The following HOMER2 variants were observed in gnomAD, a reference collection of about 807,000 sequenced individuals.
HOMER2 encodes the protein homer protein homolog 2.
HOMER2 carries 27 observed loss-of-function variants against 47.0 expected under a neutral mutation model. That is an observed-to-expected ratio of 0.57 (90% CI 0.42 to 0.79). HOMER2 has a LOEUF of 0.79. Ranked by LOEUF, HOMER2 falls within the 30% of genes least tolerant of loss-of-function variation. The pLI is 0.00. For synonymous variants in HOMER2, 161 were observed against 163.8 expected, an observed-to-expected ratio of 0.98 and a Z score of 0.13; for missense variants, 443 against 435.0, an observed-to-expected ratio of 1.02 and a Z score of -0.16.
intron 2 of HOMER2, among the ~76,000 whole-genome samples, chr15:82,876,311 T>C (rs1447936789): frequency 6.6e-6 from 1 of 152,196 alleles, no homozygotes; most frequent in Non-Finnish European, 1.5e-5. Context: ...GAAGATAATA[T>C]CTAGCACATG....
intron 1 of HOMER2, among the ~76,000 whole-genome samples, chr15:82,981,594 AAAG>A: frequency 6.6e-6 from 1 of 152,374 alleles, no homozygotes; most frequent in Non-Finnish European, 1.5e-5. Context: ...ACAATAGCCA[AAAG>A]GAGGAAGAAA....
intron 1 of HOMER2, among the ~76,000 whole-genome samples, chr15:82,894,934 T>C (rs1450462497): frequency 1.3e-5 from 2 of 152,208 alleles, no homozygotes; most frequent in Non-Finnish European, 2.9e-5. Context: ...ATACTCATTA[T>C]TAAAATTTTA....
chr15:82,897,983 T>C (rs986521873), intron 1 of HOMER2, among the ~76,000 whole-genome samples: 1 of 152,222 alleles, frequency 6.6e-6, no homozygotes, highest in African/African-American at 2.4e-5. Context: ...TACGTAGCAA[T>C]AGAAGAGACA....
chr15:82,876,236 T>G (rs968323141), intron 2 of HOMER2, among the ~76,000 whole-genome samples: 6 of 152,216 alleles, frequency 3.9e-5, no homozygotes, highest in Admixed American at 2.6e-4. Flanking sequence ...TGTCTGCAAG[T>G]TAGCCCCTCA....
At chr15:82,980,721 G>A (rs558327254) in intron 1 of HOMER2, among the ~76,000 whole-genome samples, 1 of 152,308 alleles carries the variant, frequency 6.6e-6, no homozygotes, top group Admixed American at 6.5e-5. Flanking sequence ...AAAGGAGGAA[G>A]GAGATAAAAG....
upstream of HOMER2, among the ~76,000 whole-genome samples, chr15:82,954,289 ATTTTT>A (rs1682075263): frequency 6.6e-6 from 1 of 151,518 alleles, no homozygotes; most frequent in South Asian, 2.1e-4. Flanking sequence ...TTTTTATTTT[ATTTTT>A]ATTATTTTTT....
chr15:82,876,018 A>G (rs1394107061), intron 2 of HOMER2, among the ~76,000 whole-genome samples: 1 of 152,210 alleles, frequency 6.6e-6, no homozygotes, highest in East Asian at 1.9e-4. Flanking sequence ...TCCTTGGCCT[A>G]AAAGAATGAG....
chr15:82,957,633 G>A (rs773970154), upstream of HOMER2, among the ~76,000 whole-genome samples: 2 of 152,152 alleles, frequency 1.3e-5, no homozygotes, highest in Non-Finnish European at 2.9e-5. Flanking sequence ...ACTATGGGCT[G>A]TCTCTTTAAG....
chr15:82,866,817 C>A (rs1255694465), intron 3 of HOMER2, among the ~76,000 whole-genome samples: 1 of 152,196 alleles, frequency 6.6e-6, no homozygotes, highest in Non-Finnish European at 1.5e-5. Flanking sequence ...GCCTTCCCAG[C>A]CACGTGGAAC....
At chr15:82,881,036 G>T (rs1025671107) in intron 2 of HOMER2, among the ~76,000 whole-genome samples, 2 of 152,202 alleles carry the variant, frequency 1.3e-5, no homozygotes, top group African/African-American at 2.4e-5. Flanking sequence ...GGACCTGGGG[G>T]AAGGAACCAA....
In HOMER2 at chr15:82,970,297, G is replaced by T. The variant is rs191210711; in HGVS notation, n.83-10989C>A. Among the ~76,000 whole-genome samples, 215 of 152,368 alleles carry T rather than the reference G, an allele frequency of 1.4e-3. 1 individual carries two copies. The highest frequency in any genetic ancestry group is 5.1e-3 in the African/African-American group (211 of 41,584). The stretch of plus-strand genomic sequence containing the variant: ...GCAGATAATTTGAGAGGGCCCAAGA[G>T]AAGGAGAGGCCTATGTTTTGGGGCC... On this transcript the variant is annotated intron_variant and non_coding_transcript_variant, in intron 1 of 1. Transcript: ENST00000500334.
At chr15:82,980,579 G>C (rs1167334051) in intron 1 of HOMER2, among the ~76,000 whole-genome samples, 1 of 152,044 alleles carries the variant, frequency 6.6e-6, no homozygotes, top group Non-Finnish European at 1.5e-5. Flanking sequence ...TTGTTTTTCG[G>C]AGCCTCTCCT....
chr15:82,924,587 CT>C (rs2053813054), intron 1 of HOMER2, among the ~76,000 whole-genome samples: 1 of 152,174 alleles, frequency 6.6e-6, no homozygotes, highest in Admixed American at 6.5e-5. Flanking sequence ...CCTAAGAGAT[CT>C]GTTTTCTAAA....
intron 6 of HOMER2, 121 bp downstream of exon 6, chr15:82,854,523 T>C (rs1596302885): frequency 1.0e-6 from 1 of 993,240 alleles, no homozygotes; most frequent in African/African-American, 1.6e-5. Context: ...AGGCAGCAAG[T>C]CTTCCTCTGG....
chr15:82,968,620 C>T (rs2054697534), intron 1 of HOMER2, among the ~76,000 whole-genome samples: 2 of 152,200 alleles, frequency 1.3e-5, no homozygotes, highest in South Asian at 4.1e-4. Flanking sequence ...GTTGGTCTTA[C>T]TTCACTTATC....
At chr15:82,866,034 C>T (rs1444265277) in intron 3 of HOMER2, among the ~76,000 whole-genome samples, 1 of 152,174 alleles carries the variant, frequency 6.6e-6, no homozygotes, top group African/African-American at 2.4e-5. Flanking sequence ...GGGCCACCAT[C>T]CTCCAGACCC....
intron 1 of HOMER2, among the ~76,000 whole-genome samples, chr15:82,904,672 C>G (rs959741809): frequency 6.6e-6 from 1 of 152,134 alleles, no homozygotes; most frequent in African/African-American, 2.4e-5. Flanking sequence ...ACCATCCTGT[C>G]CTACTTAAGC....
chr15:82,859,298 G>A, intron 4 of HOMER2, 163 bp from the exon 5 acceptor site: 1 of 746,888 alleles, frequency 1.3e-6, no homozygotes, highest in Non-Finnish European at 1.9e-6. Flanking sequence ...AGACTAACAA[G>A]TTTTTGTTTT....
rs142387794 is a variant in HOMER2, at chr15:82,911,143, A to G, written c.6-18302T>C. ...TCCCTTTGCCACCTTAGACAGCTCA[A>G]CCCTCCCATAGAGAATCTAGCTCTC... On this transcript the variant is annotated intron_variant, in intron 1 of 8. Coordinates refer to ENST00000450735, the MANE Select transcript of HOMER2 (RefSeq NM_004839.4). Among the ~76,000 whole-genome samples, 425 of 152,220 alleles carry G rather than the reference A, an allele frequency of 2.8e-3. 4 individuals are homozygous for G. The highest frequency in any genetic ancestry group is 9.7e-3 in the African/African-American group (403 of 41,518).
Sources: allele counts gnomAD v4.1 joint callset (sites outside exome capture counted in the v4.1 genomes callset), GRCh38; gene constraint gnomAD v4.1.1; transcripts MANE v1.5; gene names NCBI Gene and HGNC (gene_info 2026-07-23, HGNC 2026-07-21).